Variants in STARD9 observed in about 807,000 individuals in gnomAD.
The protein encoded by STARD9 is StAR related lipid transfer domain containing 9.
Under a neutral mutation model 399.8 loss-of-function variants are expected in STARD9, and 346 were observed. That is an observed-to-expected ratio of 0.87 (90% CI 0.79 to 0.95). The LOEUF is 0.95. Among genes scored for constraint, STARD9 ranks in the 40% least tolerant of loss-of-function variants. The probability of loss-of-function intolerance (pLI) is 0.00; values close to 1 mark genes in which losing one functional copy is unlikely to be tolerated. For missense variants in STARD9, 5,832 were observed against 5,667.5 expected (o/e 1.03, Z -0.93); for synonymous variants, 2,203 against 2,143.5 (o/e 1.03, Z -0.77).
At chr15:42,648,565 C>T (rs963757360) in intron 7 of STARD9, among the ~76,000 whole-genome samples, 1 of 152,158 alleles carries the variant, frequency 6.6e-6, no homozygotes, top group Non-Finnish European at 1.5e-5. Context: ...CTTCTGCTTT[C>T]CACTGTTTTT....
Position 42,686,393 on chromosome 15 carries a change from A to G in STARD9, c.4815A>G (p.Ala1605=). ...TGTCTGCTTCTCGATCTACAAATGCACAGGTCTTTGCAACAGAGAACGCGA... is the reference window on the plus strand; with the variant it reads ...TGTCTGCTTCTCGATCTACAAATGCGCAGGTCTTTGCAACAGAGAACGCGA... ...ESLSASRSTN[A]QVFATENAIP... is the part of the protein sequence containing the mutation. The change falls in exon 23 of 33, where the codon GCA becomes GCG. Residue 1605 remains alanine, a synonymous_variant. Transcript: ENST00000290607. 1 of 1,537,692 alleles carries G rather than the reference A, an allele frequency of 6.5e-7. No homozygotes were observed. The highest frequency in any genetic ancestry group is 8.7e-7 in the Non-Finnish European group (1 of 1,147,038).
intron 7 of STARD9, among the ~76,000 whole-genome samples, chr15:42,641,376 T>A (rs968040959): frequency 7.2e-5 from 11 of 152,318 alleles, no homozygotes; most frequent in Non-Finnish European, 1.5e-4. Context: ...TGTTTTTTTT[T>A]AAATTATACT....
At chr15:42,598,567 A>G (rs1489341379) in intron 3 of STARD9, among the ~76,000 whole-genome samples, 2 of 152,042 alleles carry the variant, frequency 1.3e-5, no homozygotes, top group African/African-American at 4.8e-5. Context: ...ATAACTATCC[A>G]GTTGTCTGAA....
rs774777731 is a variant in STARD9, at chr15:42,651,015, G to C, written c.560-1G>C. 27 of 1,519,700 alleles carry C rather than the reference G, an allele frequency of 1.8e-5. No individual in the cohort carries two copies. The highest frequency in any genetic ancestry group is 2.0e-5 in the Non-Finnish European group (23 of 1,135,658). 94.1% of individuals were successfully genotyped at this position (1,519,700 alleles called of 1,614,324 possible). On this transcript the variant is annotated splice_acceptor_variant, in intron 7 of 32. Coordinates refer to ENST00000290607, the MANE Select transcript of STARD9 (RefSeq NM_020759.3). LOFTEE classifies it high-confidence loss of function. ...TTTTTTCCGTTTCACAAATCCGATAGGTTTATCTCAACATGTAGTTACCAA... is the reference window on the plus strand; with the variant it reads ...TTTTTTCCGTTTCACAAATCCGATACGTTTATCTCAACATGTAGTTACCAA...
Position 42,654,293 on chromosome 15 carries a change from A to G in STARD9, c.702+1701A>G, listed in dbSNP as rs1184720016. On this transcript the variant is annotated intron_variant, in intron 9 of 32. Coordinates refer to ENST00000290607, the MANE Select transcript of STARD9 (RefSeq NM_020759.3). Reference sequence around the variant, plus strand: ...TTAAGTGTGAATTGCCTAAGGTACAAATTTTCAGATTGCATAAAAGCAAGA... The same window carrying G: ...TTAAGTGTGAATTGCCTAAGGTACAGATTTTCAGATTGCATAAAAGCAAGA... Among the ~76,000 whole-genome samples, 4 of 152,178 alleles carry G rather than the reference A, an allele frequency of 2.6e-5. No homozygotes were observed. In the East Asian group the frequency reaches 5.8e-4, roughly 22 times the overall value.
intron 7 of STARD9, among the ~76,000 whole-genome samples, chr15:42,646,814 T>C (rs1418177137): frequency 6.6e-6 from 1 of 152,222 alleles, no homozygotes; most frequent in African/African-American, 2.4e-5. Flanking sequence ...TCGACATGCC[T>C]TCCTTGCTAA....
At chr15:42,605,747 A>G (rs1284749722) in intron 3 of STARD9, among the ~76,000 whole-genome samples, 1 of 152,188 alleles carries the variant, frequency 6.6e-6, no homozygotes, top group African/African-American at 2.4e-5. Context: ...GCTTCCATGC[A>G]GTTGGTGGAG....
chr15:42,590,009 G>A (rs2141691740), intron 3 of STARD9, among the ~76,000 whole-genome samples: 1 of 140,876 alleles, frequency 7.1e-6, no homozygotes, highest in African/African-American at 2.7e-5. Flanking sequence ...CACTCAGGCT[G>A]GAGTAGGGTG....
chr15:42,607,291 C>T (rs1311928346), intron 3 of STARD9, among the ~76,000 whole-genome samples: 2 of 143,006 alleles, frequency 1.4e-5, no homozygotes, highest in Admixed American at 7.7e-5. Flanking sequence ...CAACCTTCGC[C>T]TCCTGGGTTC....
chr15:42,690,371 A>C lies in STARD9; in HGVS notation c.8793A>C (p.Ser2931=). The C allele has an allele frequency of 6.5e-7, 1 of 1,537,214 alleles. No individual in the cohort carries two copies. Among genetic ancestry groups the C allele is most frequent in the Non-Finnish European group, 8.7e-7 (1 of 1,146,892 alleles). Residue 2931 remains serine, a synonymous_variant, in exon 23 of 33, where the codon TCA becomes TCC. Coordinates refer to ENST00000290607, the MANE Select transcript of STARD9 (RefSeq NM_020759.3). ...AAGCTTTAGATGGCCCTGTCTTCTCAAGGAACCCTGAAGGCAGCAGGACTC... is the reference window on the plus strand; with the variant it reads ...AAGCTTTAGATGGCCCTGTCTTCTCCAGGAACCCTGAAGGCAGCAGGACTC... ...PREALDGPVF[S]RNPEGSRTLS... is the part of the protein sequence containing the mutation.
At chr15:42,581,730 T>C (rs1016372869) in intron 1 of STARD9, among the ~76,000 whole-genome samples, 2 of 149,202 alleles carry the variant, frequency 1.3e-5, no homozygotes, top group South Asian at 4.1e-4. Flanking sequence ...GCTTTTTTTG[T>C]TTTTTGTTTT....
chr15:42,718,594 G>A lies in STARD9; in HGVS notation c.13842+80G>A, dbSNP rs1008970718. On this transcript the variant is annotated intron_variant, in intron 31 of 32. Transcript: ENST00000290607. The stretch of plus-strand genomic sequence containing the variant: ...GAGAAACAATCTATGTGGGCCTCAG[G>A]TCCTCTAGGGGAAGGAGGGCAAATT... The A allele has an allele frequency of 9.6e-6, 14 of 1,460,364 alleles. No homozygotes were observed. In the Admixed American group the frequency reaches 2.8e-4, roughly 29 times the overall value. 90.5% of individuals were successfully genotyped at this position (1,460,364 alleles called of 1,614,324 possible).
chr15:42,623,355 C>T (rs2059130082), intron 3 of STARD9, among the ~76,000 whole-genome samples: 1 of 152,050 alleles, frequency 6.6e-6, no homozygotes, highest in Non-Finnish European at 1.5e-5. Flanking sequence ...ATATTTATGT[C>T]TCCTCTTTAT....
intron 3 of STARD9, among the ~76,000 whole-genome samples, chr15:42,604,481 C>G (rs541806120): frequency 6.6e-6 from 1 of 151,916 alleles, no homozygotes; most frequent in South Asian, 2.1e-4. Flanking sequence ...GAGACAGATA[C>G]TAAAGAGAGA....
chr15:42,673,097 C>CAAA (rs372408591), intron 16 of STARD9: 2 of 102,996 alleles, frequency 1.9e-5, no homozygotes, highest in Non-Finnish European at 2.0e-5. Flanking sequence ...GACTCCATCT[C>CAAA]AAAAAAAAAA....
Position 42,685,835 on chromosome 15 carries a change from T to C in STARD9, c.4257T>C (p.Asp1419=), listed in dbSNP as rs1303075409. Residue 1419 remains aspartate (D), a synonymous_variant, in exon 23 of 33, where the codon GAT becomes GAC. Coordinates refer to ENST00000290607, the MANE Select transcript of STARD9 (RefSeq NM_020759.3). The part of the protein sequence containing the change: ...ARDEHTASAA[D]TSRLSLWGIQ... Reference sequence around the variant, plus strand: ...ATGAGCACACAGCCTCTGCTGCTGATACGTCTAGGCTGTCTCTCTGGGGAA... The same window carrying C: ...ATGAGCACACAGCCTCTGCTGCTGACACGTCTAGGCTGTCTCTCTGGGGAA... The C allele has an allele frequency of 5.2e-6, 8 of 1,537,158 alleles. No homozygotes were observed. The highest frequency in any genetic ancestry group is 1.7e-4 in the Middle Eastern group (1 of 5,990).
At position 42,604,964 on chromosome 15, in the gene STARD9, C is replaced by T. The variant is rs113162826; in HGVS notation, c.234+19327C>T. ...GACCTGGATCGAATGGAATTTAAAT[C>T]CATATATTCTGTTCCAAAGATGAGA... On this transcript the variant is annotated intron_variant, in intron 3 of 32. Coordinates refer to ENST00000290607, the MANE Select transcript of STARD9 (RefSeq NM_020759.3). Among the ~76,000 whole-genome samples, 129 of 152,160 alleles carry T rather than the reference C, an allele frequency of 8.5e-4. 1 individual carries two copies. Among genetic ancestry groups the T allele is most frequent in the Middle Eastern group, 3.4e-3 (1 of 294 alleles).
In STARD9 at chr15:42,686,624, G is replaced by T. The variant is rs1203985435; in HGVS notation, c.5046G>T (p.Gln1682His). 7 of 1,537,152 alleles carry T rather than the reference G, an allele frequency of 4.6e-6. No homozygotes were observed. The highest frequency in any genetic ancestry group is 1.4e-5 in the African/African-American group (1 of 73,024). ...CTCTCAGGAAAAATAGTGCAGTCCA[G>T]CCAGGGCAATTAAGTCCCGACAGCC... ...WAPLRKNSAV[Q>H]PGQLSPDSHY... The change falls in exon 23 of 33, where the codon CAG becomes CAT. Residue 1682 changes from glutamine to histidine, a missense_variant. Transcript: ENST00000290607.
intron 3 of STARD9, among the ~76,000 whole-genome samples, chr15:42,606,815 G>A (rs2058733502): frequency 6.6e-6 from 1 of 151,922 alleles, no homozygotes; most frequent in African/African-American, 2.4e-5. Flanking sequence ...CAGTCAGGGT[G>A]CTTTCTTCTG....
Sources: gnomAD v4.1 joint callset for allele counts (sites outside exome capture counted in the v4.1 genomes callset) on GRCh38, gnomAD v4.1.1 for gene constraint, MANE v1.5 for transcripts, NCBI Gene and HGNC (gene_info 2026-07-23, HGNC 2026-07-21) for gene names.